Variants in HGD observed in about 807,000 individuals in gnomAD.
HGD encodes homogentisate 1,2-dioxygenase.
A neutral mutation model predicts 60.8 loss-of-function variants in HGD; 61 were observed. The ratio of observed to expected loss-of-function variants is 1.00; its 90% CI spans 0.82 to 1.24. The LOEUF (loss-of-function observed/expected upper bound fraction) is 1.24, where lower values mean the gene tolerates loss of function less well. Among genes scored for constraint, HGD ranks in the 50% most tolerant of loss-of-function variants. HGD has a pLI of 0.00. For missense variants in HGD, 542 were observed against 547.1 expected (o/e 0.99, Z 0.09); for synonymous variants, 212 against 187.7 (o/e 1.13, Z -1.06).
intron 4 of HGD, among the ~76,000 whole-genome samples, chr3:120,659,872 T>G (rs961292732): frequency 6.7e-6 from 1 of 148,970 alleles, no homozygotes; most frequent in Non-Finnish European, 1.5e-5. Flanking sequence ...GCTCAGAAAG[T>G]TTTCAATCAT....
chr3:120,670,496 CT>C lies in HGD; in HGVS notation c.212del (p.Lys71SerfsTer40). The C allele has an allele frequency of 6.2e-7, 1 of 1,609,814 alleles. No homozygotes were observed. Among genetic ancestry groups the C allele is most frequent in the South Asian group, 1.1e-5 (1 of 90,996 alleles). ...LYRILPSVSHKPFESIDEGQV... is the reference protein window; with the variant it reads ...LYRILPSVSHXPFESIDEGQV... ...GGCCTTCGTCAATGGATTCAAAGGG[CT>C]TGTGAGAAACTGAAGGTAGAATCCT... On this transcript the variant is annotated frameshift_variant, in exon 4 of 14. Coordinates refer to ENST00000283871, the MANE Select transcript of HGD (RefSeq NM_000187.4). LOFTEE classifies it high-confidence loss of function.
chr3:120,664,929 C>T (rs1003955636), intron 4 of HGD, among the ~76,000 whole-genome samples: 2 of 152,170 alleles, frequency 1.3e-5, no homozygotes, highest in African/African-American at 4.8e-5. Context: ...GAGAGTGATG[C>T]ACTATTGTGT....
intron 8 of HGD, 55 bp downstream of exon 8, chr3:120,646,918 C>T: frequency 2.2e-6 from 3 of 1,370,042 alleles, no homozygotes; most frequent in Non-Finnish European, 3.1e-6. Context: ...GCTGAAACAT[C>T]TGACTGCTCC....
At chr3:120,662,394 G>C (rs916135448) in intron 4 of HGD, among the ~76,000 whole-genome samples, 1 of 152,092 alleles carries the variant, frequency 6.6e-6, no homozygotes, top group African/African-American at 2.4e-5. Context: ...AAAGGAACCA[G>C]AGAGATCCTG....
intron 3 of HGD, chr3:120,674,627 A>G (rs991543520): frequency 7.7e-6 from 3 of 387,718 alleles, no homozygotes; most frequent in Admixed American, 3.6e-5. Context: ...ACTATTAGGA[A>G]TATTTCCTTC....
intron 10 of HGD, among the ~76,000 whole-genome samples, chr3:120,643,247 C>T (rs1044089169): frequency 6.6e-6 from 1 of 152,152 alleles, no homozygotes; most frequent in African/African-American, 2.4e-5. Context: ...CCTCAGCCTC[C>T]CAAGTAGCTA....
intron 4 of HGD, among the ~76,000 whole-genome samples, chr3:120,657,456 C>T (rs574489689): frequency 1.2e-4 from 19 of 152,212 alleles, no homozygotes; most frequent in Admixed American, 2.0e-4. Context: ...TACTGAGATT[C>T]CCTCCAAATT....
intron 12 of HGD, among the ~76,000 whole-genome samples, chr3:120,635,662 T>A (rs968091149): frequency 1.2e-4 from 18 of 152,104 alleles, no homozygotes; most frequent in Non-Finnish European, 2.6e-4. Context: ...ATTTCTAACC[T>A]GGGGTTCTGT....
rs774374625 is a variant in HGD, at chr3:120,638,499, C to A, written c.962G>T (p.Arg321Leu). The stretch of plus-strand genomic sequence containing the variant: ...GAAGGTCTTATCAGCAACCCCCCAT[C>A]GAGGTGGGAAGATGACAAAATCAGC... ...AIADFVIFPP[R>L]WGVADKTFRP... Residue 321 changes from arginine to leucine, a missense_variant, in exon 12 of 14, where the codon CGA becomes CTA. Physicochemically the swap from Arg to Leu is moderately radical, Grantham distance 102 (BLOSUM62 -2). This residue lies in a region of HGD where 537 missense variants were observed against 529.1 expected (regional missense o/e 1.01). Transcript: ENST00000283871. The A allele has an allele frequency of 1.2e-6, 2 of 1,613,758 alleles. No individual in the cohort carries two copies. The highest frequency in any genetic ancestry group is 1.7e-6 in the Non-Finnish European group (2 of 1,179,922).
chr3:120,643,213 T>G (rs1247010547), intron 10 of HGD, among the ~76,000 whole-genome samples: 2 of 152,180 alleles, frequency 1.3e-5, no homozygotes, highest in African/African-American at 4.8e-5. Flanking sequence ...AACCTCCACC[T>G]CCTGGGTTCA....
At chr3:120,657,548 G>C (rs2551598) in intron 4 of HGD, among the ~76,000 whole-genome samples, 128,606 of 152,054 alleles carry the variant, frequency 0.85, 55,210 homozygotes, top group East Asian at 0.98. Context: ...CATTAGAAGT[G>C]AGTACCACCT....
intron 12 of HGD, among the ~76,000 whole-genome samples, chr3:120,635,741 G>A (rs1195488941): frequency 6.6e-6 from 1 of 152,046 alleles, no homozygotes; most frequent in African/African-American, 2.4e-5. Flanking sequence ...AATTTACTTT[G>A]AGAGTCATTA....
intron 4 of HGD, among the ~76,000 whole-genome samples, chr3:120,669,438 T>C (rs1707975192): frequency 7.1e-6 from 1 of 141,314 alleles, no homozygotes; most frequent in Non-Finnish European, 1.5e-5. Context: ...CAAGCTTATG[T>C]GCGCATGTGC....
chr3:120,661,995 T>C (rs927599235), intron 4 of HGD, among the ~76,000 whole-genome samples: 4 of 152,210 alleles, frequency 2.6e-5, no homozygotes, highest in South Asian at 2.1e-4. Flanking sequence ...GAAAGTATTA[T>C]TTAAAATGAA....
At chr3:120,650,905 C>A in intron 5 of HGD, 40 bp from the exon 6 acceptor site, 1 of 1,500,358 alleles carries the variant, frequency 6.7e-7, no homozygotes. Flanking sequence ...TTAATGTGAA[C>A]GGTGCCCAAG....
intron 11 of HGD, among the ~76,000 whole-genome samples, chr3:120,639,011 G>A (rs1940880716): frequency 6.6e-6 from 1 of 152,188 alleles, no homozygotes; most frequent in Admixed American, 6.5e-5. Flanking sequence ...TGTAAGACAT[G>A]CTTTTGCTCC....
At chr3:120,635,262 G>A (rs1431228080) in intron 12 of HGD, among the ~76,000 whole-genome samples, 1 of 152,114 alleles carries the variant, frequency 6.6e-6, no homozygotes, top group Non-Finnish European at 1.5e-5. Context: ...TGGATCACGA[G>A]GTCAAGAGAT....
chr3:120,628,551 A>G (rs1328994053), intron 13 of HGD, 22 bp from the exon 14 acceptor site: 1 of 1,613,336 alleles, frequency 6.2e-7, no homozygotes, highest in South Asian at 1.1e-5. Flanking sequence ...GACGATGGGG[A>G]TGAGAAAAAA....
rs151074191 is a variant in HGD at position 120,675,542 on chromosome 3, T to G, written c.87+250A>C. 1.6e-3 allele frequency among the ~76,000 whole-genome samples: 244 copies of G among 152,240 alleles called. 4 individuals are homozygous for G. The East Asian group carries it at 0.039, about 25-fold the overall frequency. The stretch of plus-strand genomic sequence containing the variant: ...ATGAGGGATTCTCTTTAACTCTGGA[T>G]TTTTGGGGATCCTACTGGAAACCCT... On this transcript the variant is annotated intron_variant, in intron 2 of 13. Coordinates refer to ENST00000283871, the MANE Select transcript of HGD (RefSeq NM_000187.4).
Sources: allele counts gnomAD v4.1 joint callset (sites outside exome capture counted in the v4.1 genomes callset), GRCh38; gene constraint gnomAD v4.1.1; regional missense constraint gnomAD v4.1.1; transcripts MANE v1.5; gene names NCBI Gene and HGNC (gene_info 2026-07-23, HGNC 2026-07-21).